The following SRRM1 variants were observed in gnomAD, a reference collection of about 807,000 sequenced individuals.
SRRM1 encodes serine/arginine repetitive matrix protein 1.
A neutral mutation model predicts 110.2 loss-of-function variants in SRRM1; 19 were observed. That is an observed-to-expected ratio of 0.17 (90% confidence interval 0.12 to 0.25). The LOEUF (loss-of-function observed/expected upper bound fraction) is 0.25. SRRM1 is among the 10% of genes least tolerant of loss of function. The pLI, the probability that SRRM1 is intolerant of heterozygous loss-of-function variation, is 1.00. For missense variants in SRRM1, 918 were observed against 1,145.8 expected, an observed-to-expected ratio of 0.80 and a Z score of 2.87; for synonymous variants, 443 against 414.9, an observed-to-expected ratio of 1.07 and a Z score of -0.82.
At chr1:24,643,914 G>A (rs1655543231) in intron 1 of SRRM1, among the ~76,000 whole-genome samples, 2 of 152,134 alleles carry the variant, frequency 1.3e-5, no homozygotes, top group African/African-American at 4.8e-5. Flanking sequence ...CAGGGTTCGC[G>A]GGAGCTCCCG....
In SRRM1 at chr1:24,648,183, A is replaced by G. The variant is rs187276352; in HGVS notation, c.235-676A>G. The G allele has an allele frequency of 3.9e-5, 6 of 152,306 alleles. No homozygotes were observed. The South Asian group carries it at 6.2e-4, about 16-fold the overall frequency. 9.4% of individuals were successfully genotyped at this position (152,306 alleles called of 1,614,324 possible). ...CTGGAATCTGTACTTGCTTTGTGCTATTGAGCTGTGCTTGTTATACAGACC... is the reference window on the plus strand; with the variant it reads ...CTGGAATCTGTACTTGCTTTGTGCTGTTGAGCTGTGCTTGTTATACAGACC... On this transcript the variant is annotated intron_variant, in intron 3 of 16. Transcript: ENST00000323848.
intron 5 of SRRM1, among the ~76,000 whole-genome samples, chr1:24,650,414 T>C (rs555569482): frequency 1.3e-5 from 2 of 152,370 alleles, no homozygotes; most frequent in South Asian, 4.1e-4. Context: ...CACTTTTTCT[T>C]TCCATTTCCT....
chr1:24,663,031 C>A, intron 12 of SRRM1: 1 of 901,074 alleles, frequency 1.1e-6, no homozygotes, highest in Non-Finnish European at 1.6e-6. Context: ...TATATGTGTG[C>A]ATGATTAGAA....
At chr1:24,651,378 A>G in intron 5 of SRRM1, 31 bp from the exon 6 acceptor site, 1 of 1,583,894 alleles carries the variant, frequency 6.3e-7, no homozygotes, top group South Asian at 1.1e-5. Context: ...CATGTTATTT[A>G]AAAACCTGAA....
intron 9 of SRRM1, among the ~76,000 whole-genome samples, chr1:24,660,045 C>T (rs931626046): frequency 3.3e-5 from 5 of 152,318 alleles, no homozygotes; most frequent in South Asian, 2.1e-4. Flanking sequence ...AGTCATTCTT[C>T]TTTTCTAGAC....
At chr1:24,665,908 G>GA (rs1669752170) in intron 12 of SRRM1, among the ~76,000 whole-genome samples, 1 of 152,322 alleles carries the variant, frequency 6.6e-6, no homozygotes, top group South Asian at 2.1e-4. Context: ...AGATTCACAG[G>GA]AAGCATGAGT....
At chr1:24,660,862 T>G in intron 10 of SRRM1, 63 bp downstream of exon 10, 1 of 1,235,890 alleles carries the variant, frequency 8.1e-7, no homozygotes, top group East Asian at 2.4e-5. Context: ...TAAAGCTGAT[T>G]TTGATTTTTT....
intron 16 of SRRM1, 116 bp from the exon 17 acceptor site, chr1:24,672,066 A>G: frequency 1.4e-6 from 1 of 736,760 alleles, no homozygotes; most frequent in Non-Finnish European, 2.3e-6. Context: ...TGCTCCCCCT[A>G]CCCCACAACA....
intron 7 of SRRM1, 108 bp downstream of exon 7, chr1:24,652,736 AT>A: frequency 7.6e-7 from 1 of 1,314,764 alleles, no homozygotes; most frequent in Non-Finnish European, 1.0e-6. Flanking sequence ...TAGTACAAAT[AT>A]TTTTTGAATG....
chr1:24,670,425 C>T, intron 15 of SRRM1, 110 bp downstream of exon 15: 2 of 1,167,718 alleles, frequency 1.7e-6, no homozygotes, highest in Non-Finnish European at 2.4e-6. Context: ...AACTTTTTTT[C>T]CCATTTGTGA....
At chr1:24,670,557 G>A (rs989299453) in intron 15 of SRRM1, among the ~76,000 whole-genome samples, 2 of 152,146 alleles carry the variant, frequency 1.3e-5, no homozygotes, top group African/African-American at 2.4e-5. Context: ...AGTGCAGTGG[G>A]ATGATCATAG....
chr1:24,648,730 C>CTATA, intron 3 of SRRM1, 129 bp from the exon 4 acceptor site: 1 of 716,938 alleles, frequency 1.4e-6, no homozygotes, highest in Admixed American at 2.9e-5. Flanking sequence ...ATAGTAAGGA[C>CTATA]TATATATATG....
At chr1:24,652,246 G>A (rs1384510908) in intron 6 of SRRM1, among the ~76,000 whole-genome samples, 188 bp from the exon 7 acceptor site, 1 of 150,706 alleles carries the variant, frequency 6.6e-6, no homozygotes, top group African/African-American at 2.4e-5. Flanking sequence ...AATGTACATG[G>A]TTGGAATTAT....
intron 11 of SRRM1, among the ~76,000 whole-genome samples, chr1:24,661,666 C>T (rs192109915): frequency 4.3e-4 from 66 of 152,230 alleles, no homozygotes; most frequent in African/African-American, 1.5e-3. Flanking sequence ...TTTTTCCAAC[C>T]TCCTAAAGCT....
Position 24,644,124 on chromosome 1 carries a change from T to C in SRRM1, c.21+777T>C, listed in dbSNP as rs549375378. Among the ~76,000 whole-genome samples, 22 of 152,254 alleles carry C rather than the reference T, an allele frequency of 1.4e-4. No individual in the cohort carries two copies. In the East Asian group the frequency reaches 4.3e-3, roughly 29 times the overall value. On this transcript the variant is annotated intron_variant, in intron 1 of 16. Transcript: ENST00000323848. ...GTGTTTTACTCTTGGAGTCCGCTGGTGAAAGGTAACTCTTACCTAGGCTCT... is the reference window on the plus strand; with the variant it reads ...GTGTTTTACTCTTGGAGTCCGCTGGCGAAAGGTAACTCTTACCTAGGCTCT...
Position 24,669,725 on chromosome 1 carries a change from C to T in SRRM1, c.2204+138C>T, listed in dbSNP as rs1253885320. ...CAAACTTGAGGTACTATTTACAGAT[C>T]TTATTCCATTTTTTGGGATAGTTTC... On this transcript the variant is annotated intron_variant, in intron 14 of 16. Transcript: ENST00000323848. 3 of 727,798 alleles carry T rather than the reference C, an allele frequency of 4.1e-6. No individual in the cohort carries two copies. In the African/African-American group the frequency reaches 5.4e-5, roughly 13 times the overall value. The allele number at this position is 727,798 out of a possible 1,614,324, so 45.1% of individuals were successfully genotyped here.
intron 11 of SRRM1, 70 bp downstream of exon 11, chr1:24,661,466 C>T (rs988348296): frequency 1.3e-5 from 14 of 1,102,502 alleles, no homozygotes; most frequent in Middle Eastern, 2.0e-4. Context: ...ATATAAACAT[C>T]TGTGTGTGCA....
chr1:24,669,682 G>C lies in SRRM1; in HGVS notation c.2204+95G>C. 5 of 988,210 alleles carry C rather than the reference G, an allele frequency of 5.1e-6. No individual in the cohort carries two copies. In the South Asian group the frequency reaches 8.9e-5, roughly 18 times the overall value. 61.2% of individuals were successfully genotyped at this position (988,210 alleles called of 1,614,324 possible). A position where few individuals can be genotyped will look rare whatever the true frequency, so the allele number is the denominator to read the frequency against. ...CCCCCATATAAAAGGAATAAGTTAT[G>C]AATATGAGCTTTTAAGTCAAACTTG... On this transcript the variant is annotated intron_variant, in intron 14 of 16. Transcript: ENST00000323848.
chr1:24,672,351 A>G lies in SRRM1; in HGVS notation c.*65A>G, dbSNP rs1413103082. On this transcript the variant is annotated 3_prime_UTR_variant, in exon 17 of 17. Coordinates refer to ENST00000323848, the MANE Select transcript of SRRM1 (RefSeq NM_005839.4). ...TACGCAGTTCAATTTCAAAATTGCT[A>G]AAATGTGTTTGAGCTTTAGACTATA... 5 of 1,182,348 alleles carry G rather than the reference A, an allele frequency of 4.2e-6. No individual in the cohort carries two copies. The highest frequency in any genetic ancestry group is 1.4e-5 in the South Asian group (1 of 72,112). 73.2% of individuals were successfully genotyped at this position (1,182,348 alleles called of 1,614,324 possible). A position where few individuals can be genotyped will look rare whatever the true frequency, so the allele number is the denominator to read the frequency against.
Sources: allele counts gnomAD v4.1 joint callset (sites outside exome capture counted in the v4.1 genomes callset), GRCh38; gene constraint gnomAD v4.1.1; transcripts MANE v1.5; gene names NCBI Gene and HGNC (gene_info 2026-07-23, HGNC 2026-07-21).